TRMT44: variants seen among roughly 807,000 people sequenced by gnomAD.
The protein encoded by TRMT44 is probable tRNA (uracil-O(2)-)-methyltransferase.
Under a neutral mutation model 77.3 loss-of-function variants are expected in TRMT44, and 78 were observed. That is an observed-to-expected ratio of 1.01 (90% CI 0.84 to 1.22). The LOEUF is 1.22. Among genes scored for constraint, TRMT44 ranks in the 50% most tolerant of loss-of-function variants. The probability of loss-of-function intolerance (pLI) is 0.00; values close to 1 mark genes in which losing one functional copy is unlikely to be tolerated. For missense variants in TRMT44, 1,090 were observed against 964.4 expected, an observed-to-expected ratio of 1.13 and a Z score of -1.73; for synonymous variants, 391 against 383.3, an observed-to-expected ratio of 1.02 and a Z score of -0.23.
rs775560222 is a variant in TRMT44, at chr4:8,476,010, C to G, written c.*9C>G. The G allele has an allele frequency of 3.1e-6, 5 of 1,612,452 alleles. No individual in the cohort carries two copies. The South Asian group carries it at 5.5e-5, about 18-fold the overall frequency. The stretch of plus-strand genomic sequence containing the variant: ...GGAAGAAGATTTCATGAGCTGCATC[C>G]TTGCCAGCCGAGGCCTGGTTGGGGA... On this transcript the variant is annotated 3_prime_UTR_variant, in exon 11 of 11. Coordinates refer to ENST00000389737, the MANE Select transcript of TRMT44 (RefSeq NM_152544.3).
Position 8,445,734 on chromosome 4 carries a change from T to C in TRMT44, c.620-742T>C, listed in dbSNP as rs577784804. On this transcript the variant is annotated intron_variant, in intron 1 of 10. Coordinates refer to ENST00000389737, the MANE Select transcript of TRMT44 (RefSeq NM_152544.3). The stretch of plus-strand genomic sequence containing the variant: ...CTGAATCCACTTAGCCCCTTCAGCC[T>C]CTGCTTCCTTTTGGCAGGTCTTGTT... 1.1e-3 allele frequency among the ~76,000 whole-genome samples: 168 copies of C among 152,388 alleles called. 1 individual carries two copies. Among genetic ancestry groups the C allele is most frequent in the African/African-American group, 3.9e-3 (163 of 41,594 alleles).
chr4:8,506,578 C>T, the TRMT44 span, among the ~76,000 whole-genome samples: 1 of 152,228 alleles, frequency 6.6e-6, no homozygotes, highest in Non-Finnish European at 1.5e-5. Context: ...ACCTGGGCAG[C>T]CCCTTCCCCC....
intron 6 of TRMT44, among the ~76,000 whole-genome samples, chr4:8,462,063 A>G (rs1726190047): frequency 6.6e-6 from 1 of 152,256 alleles, no homozygotes; most frequent in Non-Finnish European, 1.5e-5. Context: ...TAATTGTGTG[A>G]ACCTGTATAT....
At chr4:8,480,361 C>T (rs921481831), downstream of TRMT44, among the ~76,000 whole-genome samples, 25 of 152,232 alleles carry the variant, frequency 1.6e-4, no homozygotes, top group African/African-American at 5.8e-4. Context: ...ACTTCTGGGG[C>T]CTTGTGTCCC....
chr4:8,488,445 T>C (rs751513790), intron 2 of TRMT44, among the ~76,000 whole-genome samples: 18 of 152,150 alleles, frequency 1.2e-4, no homozygotes, highest in Non-Finnish European at 2.5e-4. Context: ...TGTTCTCTGG[T>C]GGACAGGAGT....
At chr4:8,492,600 G>T (rs1214072015) in intron 2 of TRMT44, among the ~76,000 whole-genome samples, 2 of 152,116 alleles carry the variant, frequency 1.3e-5, no homozygotes, top group Non-Finnish European at 2.9e-5. Context: ...ACTGCTTAGG[G>T]CAAACCTGCC....
rs1560223169 is a variant in TRMT44, at chr4:8,451,441, GT to G, written c.955-516del. Among the ~76,000 whole-genome samples, 1 of 152,182 alleles carries G rather than the reference GT, an allele frequency of 6.6e-6. No individual in the cohort carries two copies. Among genetic ancestry groups the G allele is most frequent in the East Asian group, 1.9e-4 (1 of 5,194 alleles). On this transcript the variant is annotated intron_variant, in intron 3 of 10. Transcript: ENST00000389737. This position sits in a 1 kb window ranked among gnomAD's most constrained non-coding sequence, Gnocchi z 4.1. ...ACTAATTTTAATAATGAGAGCTCAT[GT>G]TTGCACAGCTAGTGCTTTACAGTTT...
At chr4:8,506,657 G>T in the TRMT44 span, among the ~76,000 whole-genome samples, 1 of 152,226 alleles carries the variant, frequency 6.6e-6, no homozygotes, top group South Asian at 2.1e-4. Flanking sequence ...CAAGTGCTAC[G>T]TGTGCACTTC....
At chr4:8,487,302 TG>T (rs1727839793) in intron 2 of TRMT44, among the ~76,000 whole-genome samples, 1 of 151,558 alleles carries the variant, frequency 6.6e-6, no homozygotes, top group Non-Finnish European at 1.5e-5. Context: ...GATGGAGGAA[TG>T]GAGGGTGGAA....
At chr4:8,508,325 A>G in the TRMT44 span, among the ~76,000 whole-genome samples, 1 of 152,184 alleles carries the variant, frequency 6.6e-6, no homozygotes, top group South Asian at 2.1e-4. Context: ...CCTTGTTATT[A>G]GCAGGGGCTG....
chr4:8,463,174 T>C (rs1013908262), intron 6 of TRMT44, among the ~76,000 whole-genome samples: 1 of 152,218 alleles, frequency 6.6e-6, no homozygotes, highest in African/African-American at 2.4e-5. Context: ...TCACTTATCT[T>C]GGGGACTCAT....
At chr4:8,487,183 G>A (rs552578386) in intron 2 of TRMT44, among the ~76,000 whole-genome samples, 4 of 152,294 alleles carry the variant, frequency 2.6e-5, no homozygotes, top group South Asian at 2.1e-4. Context: ...AACTACTGTC[G>A]AGTTTGTATT....
Position 8,471,081 on chromosome 4 carries a change from CAGAG to C in TRMT44, c.1928_1931del (p.Glu643AlafsTer7), listed in dbSNP as rs781493917. ...GGGAAAAAAAAAACCCGTTTTTCCACAGAGAGCCTATCTCTGGCAGAAGTAGCCA... is the reference window on the plus strand; with the variant it reads ...GGGAAAAAAAAAACCCGTTTTTCCACAGCCTATCTCTGGCAGAAGTAGCCA... On this transcript the variant is annotated splice_acceptor_variant and coding_sequence_variant, in exon 10 of 11. Coordinates refer to ENST00000389737, the MANE Select transcript of TRMT44 (RefSeq NM_152544.3). LOFTEE classifies it high-confidence loss of function. The C allele has an allele frequency of 8.2e-5, 130 of 1,576,080 alleles. No individual in the cohort carries two copies. The highest frequency in any genetic ancestry group is 1.0e-4 in the Non-Finnish European group (121 of 1,166,008).
intron 3 of TRMT44, 37 bp downstream of exon 3, chr4:8,449,925 C>G: frequency 2.7e-6 from 1 of 372,616 alleles, no homozygotes; most frequent in Non-Finnish European, 4.0e-6. Flanking sequence ...TTTCCCCCTT[C>G]ATGATTTTCT....
At position 8,468,027 on chromosome 4, in the gene TRMT44, C is replaced by T. The variant is rs1469457893; in HGVS notation, c.1608C>T (p.Gly536=). The T allele has an allele frequency of 6.2e-7, 1 of 1,614,030 alleles. No individual in the cohort carries two copies. The highest frequency in any genetic ancestry group is 1.7e-5 in the Admixed American group (1 of 60,034). Residue 536 remains glycine, a synonymous_variant, in exon 9 of 11, where the codon GGC becomes GGT. Transcript: ENST00000389737. ...SRRGCPVSPP[G]WELSPSPRWV... is the part of the protein sequence containing the mutation. Reference sequence around the variant, plus strand: ...GGGGCTGCCCTGTAAGCCCACCTGGCTGGGAGCTTTCCCCTTCTCCACGCT... The same window carrying T: ...GGGGCTGCCCTGTAAGCCCACCTGGTTGGGAGCTTTCCCCTTCTCCACGCT...
At position 8,440,895 on chromosome 4, in the gene TRMT44, G is replaced by A. The variant is rs1724617642; in HGVS notation, c.73G>A (p.Glu25Lys). ...LLPQGFWAAVEVWLERPQVAN... is the reference protein window; with the variant it reads ...LLPQGFWAAVKVWLERPQVAN... ...CCCACAGGGCTTCTGGGCTGCGGTC[G>A]AAGTGTGGCTGGAGAGGCCGCAGGT... Residue 25 changes from glutamate to lysine, a missense_variant, in exon 1 of 11, where the codon GAA (glutamate) becomes AAA (lysine). By Grantham distance (56) the Glu-to-Lys change is moderately conservative. Coordinates refer to ENST00000389737, the MANE Select transcript of TRMT44 (RefSeq NM_152544.3). 6.5e-7 allele frequency: 1 copy of A among 1,529,286 alleles called. No homozygotes were observed. The highest frequency in any genetic ancestry group is 8.7e-7 in the Non-Finnish European group (1 of 1,145,088). 94.7% of individuals were successfully genotyped at this position (1,529,286 alleles called of 1,614,324 possible).
At chr4:8,492,734 G>C (rs556553892) in intron 2 of TRMT44, among the ~76,000 whole-genome samples, 2 of 152,162 alleles carry the variant, frequency 1.3e-5, no homozygotes. Flanking sequence ...AGATAGATGC[G>C]TCTCTGCCTG....
At chr4:8,443,227 C>T (rs970117806) in intron 1 of TRMT44, among the ~76,000 whole-genome samples, 4 of 152,184 alleles carry the variant, frequency 2.6e-5, no homozygotes, top group African/African-American at 9.6e-5. Flanking sequence ...AACCATTTTA[C>T]GTTGTCCATC....
At chr4:8,505,982 T>C in the TRMT44 span, among the ~76,000 whole-genome samples, 6 of 152,184 alleles carry the variant, frequency 3.9e-5, no homozygotes, top group African/African-American at 1.4e-4. Context: ...GAACTGTGAG[T>C]CAAGTAAACA....
Sources: gnomAD v4.1 joint callset for allele counts (sites outside exome capture counted in the v4.1 genomes callset) on GRCh38, gnomAD v4.1.1 for gene constraint, Gnocchi (gnomAD v3.1) non-coding constraint, MANE v1.5 for transcripts, NCBI Gene and HGNC (gene_info 2026-07-23, HGNC 2026-07-21) for gene names.